The following CNTNAP2 variants were observed in gnomAD, a reference collection of about 807,000 sequenced individuals.
CNTNAP2 encodes the protein contactin-associated protein-like 2.
A neutral mutation model predicts 155.2 loss-of-function variants in CNTNAP2; 98 were observed. The observed-to-expected ratio is 0.63, with a 90% CI of 0.54 to 0.75. CNTNAP2 has a LOEUF of 0.75. Among genes scored for constraint, CNTNAP2 ranks in the 30% least tolerant of loss-of-function variants. The pLI, the probability that CNTNAP2 is intolerant of heterozygous loss-of-function variation, is 0.00. For missense variants in CNTNAP2, 1,727 were observed against 1,688.1 expected, an observed-to-expected ratio of 1.02 and a Z score of -0.40; for synonymous variants, 651 against 631.2, an observed-to-expected ratio of 1.03 and a Z score of -0.47.
chr7:146,513,787 C>G (rs888637585), intron 1 of CNTNAP2, among the ~76,000 whole-genome samples: 3 of 151,990 alleles, frequency 2.0e-5, no homozygotes, highest in African/African-American at 7.2e-5. Context: ...TGAGTCTATA[C>G]ATTAAGATGT....
intron 3 of CNTNAP2, among the ~76,000 whole-genome samples, chr7:146,896,944 TAA>T (rs1220460573): frequency 2.0e-5 from 3 of 152,132 alleles, no homozygotes; most frequent in South Asian, 2.1e-4. Context: ...AGGATTTAGA[TAA>T]AGAGTATTTA....
chr7:147,999,919 T>A (rs1366000948), intron 15 of CNTNAP2, among the ~76,000 whole-genome samples: 2 of 152,138 alleles, frequency 1.3e-5, no homozygotes, highest in African/African-American at 4.8e-5. Context: ...CCTGCCAACT[T>A]GGACTGTGGA....
At chr7:147,109,012 C>T (rs1338991143) in intron 5 of CNTNAP2, among the ~76,000 whole-genome samples, 1 of 152,158 alleles carries the variant, frequency 6.6e-6, no homozygotes, top group Admixed American at 6.6e-5. Context: ...TTGCCCAAAT[C>T]CTGTGGGATC....
intron 11 of CNTNAP2, among the ~76,000 whole-genome samples, chr7:147,556,434 G>A (rs959710165): frequency 6.6e-6 from 1 of 152,054 alleles, no homozygotes; most frequent in Non-Finnish European, 1.5e-5. Context: ...AACTTTATAT[G>A]GCAAAGGGAC....
rs532461205 is a variant in CNTNAP2 at position 147,377,686 on chromosome 7, T to C, written c.1499-17923T>C. Among the ~76,000 whole-genome samples, 10 of 152,060 alleles carry C rather than the reference T, an allele frequency of 6.6e-5. 1 individual carries two copies. The South Asian group carries it at 1.2e-3, about 19-fold the overall frequency. ...CATCTTCCCTGTTTATTTAGCTTGG[T>C]ATACAAGTCTATGTTGAAAGTTTAG... On this transcript the variant is annotated intron_variant, in intron 9 of 23. Coordinates refer to ENST00000361727, the MANE Select transcript of CNTNAP2 (RefSeq NM_014141.6).
intron 21 of CNTNAP2, among the ~76,000 whole-genome samples, chr7:148,303,512 T>G (rs777425570): frequency 4.6e-5 from 7 of 152,216 alleles, no homozygotes; most frequent in Non-Finnish European, 8.8e-5. Context: ...GCCTATAAGC[T>G]TGGCCGTGTT....
intron 1 of CNTNAP2, among the ~76,000 whole-genome samples, chr7:146,398,349 C>A (rs538354928): frequency 1.3e-5 from 2 of 151,954 alleles, no homozygotes; most frequent in East Asian, 3.9e-4. Flanking sequence ...TCCTTCTTCA[C>A]GTGGTGGCAA....
At chr7:147,978,377 T>C (rs1472412383) in intron 15 of CNTNAP2, among the ~76,000 whole-genome samples, 3 of 152,156 alleles carry the variant, frequency 2.0e-5, no homozygotes, top group Admixed American at 1.3e-4. Flanking sequence ...GTGATATAAA[T>C]AGTAGCATTA....
At chr7:147,855,022 T>C (rs1799013213) in intron 13 of CNTNAP2, among the ~76,000 whole-genome samples, 1 of 152,198 alleles carries the variant, frequency 6.6e-6, no homozygotes. Flanking sequence ...CAGGATTAAA[T>C]AAAACACGAA....
intron 3 of CNTNAP2, among the ~76,000 whole-genome samples, chr7:146,935,494 C>G (rs1233352009): frequency 6.6e-6 from 1 of 152,166 alleles, no homozygotes; most frequent in Non-Finnish European, 1.5e-5. Context: ...AGAAGGTTGC[C>G]AGGAGGCCTT....
intron 3 of CNTNAP2, among the ~76,000 whole-genome samples, chr7:146,856,573 C>G (rs2129204271): frequency 6.6e-6 from 1 of 152,222 alleles, no homozygotes; most frequent in East Asian, 1.9e-4. Flanking sequence ...CTTAAAGTGT[C>G]TCTTACAAAT....
intron 6 of CNTNAP2, 181 bp downstream of exon 6, chr7:147,121,344 C>A: frequency 1.7e-6 from 1 of 604,474 alleles, no homozygotes; most frequent in Non-Finnish European, 2.8e-6. Flanking sequence ...AATTTATAAT[C>A]ATGAGTACTT....
At chr7:148,261,850 G>C (rs1796569028) in intron 20 of CNTNAP2, among the ~76,000 whole-genome samples, 2 of 152,198 alleles carry the variant, frequency 1.3e-5, no homozygotes, top group African/African-American at 4.8e-5. Flanking sequence ...TCTGGGCAGA[G>C]CCTCTGCTAT....
intron 15 of CNTNAP2, among the ~76,000 whole-genome samples, chr7:148,097,340 TAAAAAA>T (rs754030091): frequency 2.5e-5 from 2 of 78,492 alleles, no homozygotes; most frequent in African/African-American, 9.6e-5. Context: ...GTGTCATTTG[TAAAAAA>T]AAAAAAAAAA....
chr7:146,159,599 T>C (rs1222635443), intron 1 of CNTNAP2, among the ~76,000 whole-genome samples: 1 of 152,046 alleles, frequency 6.6e-6, no homozygotes, highest in Non-Finnish European at 1.5e-5. Context: ...TCTTAGTCTC[T>C]GATAAAACTG....
At position 147,117,791 on chromosome 7, in the gene CNTNAP2, A is replaced by C. The variant is rs76373727; in HGVS notation, c.755-3188A>C. On this transcript the variant is annotated intron_variant, in intron 5 of 23. Transcript: ENST00000361727. Reference sequence around the variant, plus strand: ...AGGCTATTTTTGTAGGTAATGATACATTACCTTAAAGATGTACCCTTGATT... The same window carrying C: ...AGGCTATTTTTGTAGGTAATGATACCTTACCTTAAAGATGTACCCTTGATT... Among the ~76,000 whole-genome samples, 839 of 152,304 alleles carry C rather than the reference A, an allele frequency of 5.5e-3. 7 individuals carry two copies. The highest frequency in any genetic ancestry group is 0.019 in the African/African-American group (810 of 41,564).
chr7:147,478,716 G>A (rs924119960), intron 10 of CNTNAP2, among the ~76,000 whole-genome samples: 1 of 152,148 alleles, frequency 6.6e-6, no homozygotes, highest in Non-Finnish European at 1.5e-5. Flanking sequence ...CATTGCACAT[G>A]GCACTTCCAT....
In CNTNAP2 at chr7:146,483,285, ATATATATATATATATATATAT is replaced by A. The variant is rs1796998020; in HGVS notation, c.98-290985_98-290965del. Among the ~76,000 whole-genome samples the A allele has an allele frequency of 2.1e-3, 100 of 47,220 alleles. 3 individuals are homozygous for A. The South Asian group carries it at 0.021, about 10-fold the overall frequency. 31.0% of individuals were successfully genotyped at this position (47,220 alleles called of 152,430 possible). A position where few individuals can be genotyped will look rare whatever the true frequency, so the allele number is the denominator to read the frequency against. On this transcript the variant is annotated intron_variant, in intron 1 of 23. Transcript: ENST00000361727. ...AGCAAGACTCCGTCTAAAAAAAAATATATATATATATATATATATATATATATATATATATATATATATACA... is the reference window on the plus strand; with the variant it reads ...AGCAAGACTCCGTCTAAAAAAAAATAATATATATATATATATATATATACA...
intron 1 of CNTNAP2, among the ~76,000 whole-genome samples, chr7:146,667,959 C>G (rs1800227215): frequency 6.6e-6 from 1 of 151,992 alleles, no homozygotes; most frequent in South Asian, 2.1e-4. Context: ...TGTGGATGCC[C>G]TTTAATTTTC....
Sources: gnomAD v4.1 joint callset for allele counts (sites outside exome capture counted in the v4.1 genomes callset) on GRCh38, gnomAD v4.1.1 for gene constraint, MANE v1.5 for transcripts, NCBI Gene and HGNC (gene_info 2026-07-23, HGNC 2026-07-21) for gene names.